The following STEAP1B variants were observed in gnomAD, a reference collection of about 807,000 sequenced individuals.
The protein encoded by STEAP1B is STEAP family protein MGC87042.
Under a neutral mutation model 27.9 loss-of-function variants are expected in STEAP1B, and 13 were observed. That is an observed-to-expected ratio of 0.47 (90% confidence interval 0.30 to 0.74). The LOEUF is 0.74. Ranked by LOEUF, STEAP1B falls within the 30% of genes least tolerant of loss-of-function variation. The pLI is 0.06. For missense variants in STEAP1B, 250 were observed against 298.7 expected (o/e 0.84, Z 1.20); for synonymous variants, 86 against 107.1 (o/e 0.80, Z 1.22).
chr7:22,466,584 T>A (rs1397956380), intron 4 of STEAP1B, among the ~76,000 whole-genome samples: 1 of 152,184 alleles, frequency 6.6e-6, no homozygotes, highest in African/African-American at 2.4e-5. Flanking sequence ...TCCAGAACTA[T>A]GAGAAAGTAA....
intron 4 of STEAP1B, among the ~76,000 whole-genome samples, chr7:22,473,293 C>T (rs1029329461): frequency 2.0e-5 from 3 of 152,166 alleles, no homozygotes; most frequent in Admixed American, 6.5e-5. Flanking sequence ...CATCCTCTAG[C>T]TCCTGTCTAT....
chr7:22,471,719 T>G (rs977671869), intron 4 of STEAP1B, among the ~76,000 whole-genome samples: 1 of 151,948 alleles, frequency 6.6e-6, no homozygotes, highest in African/African-American at 2.4e-5. Context: ...CTGGGCAATA[T>G]AGCAAGACAC....
intron 4 of STEAP1B, among the ~76,000 whole-genome samples, chr7:22,485,348 T>G (rs1786183884): frequency 6.6e-6 from 1 of 152,190 alleles, no homozygotes. Context: ...AAGCAAGACC[T>G]CCACCAGCAA....
At chr7:22,438,568 A>C (rs1389887620) in intron 4 of STEAP1B, 1 of 1,552,164 alleles carries the variant, frequency 6.4e-7, no homozygotes, top group Non-Finnish European at 8.7e-7. Context: ...GTGAGAGCTA[A>C]CATTTCCCTT....
chr7:22,496,668 A>G (rs1489129452), intron 1 of STEAP1B, among the ~76,000 whole-genome samples: 1 of 152,246 alleles, frequency 6.6e-6, no homozygotes, highest in East Asian at 1.9e-4. Flanking sequence ...TATACAGATT[A>G]GCAGCCTAGG....
At chr7:22,483,400 A>G (rs1583351316) in intron 4 of STEAP1B, among the ~76,000 whole-genome samples, 1 of 152,374 alleles carries the variant, frequency 6.6e-6, no homozygotes, top group South Asian at 2.1e-4. Context: ...GCCTATGGGC[A>G]TGACTCAAGG....
chr7:22,494,151 T>C (rs1289653050), intron 2 of STEAP1B, among the ~76,000 whole-genome samples: 1 of 145,810 alleles, frequency 6.9e-6, no homozygotes. Flanking sequence ...CCTATTAAAA[T>C]TATTAAGATT....
At chr7:22,483,142 T>C (rs373768756) in intron 4 of STEAP1B, among the ~76,000 whole-genome samples, 27 of 152,206 alleles carry the variant, frequency 1.8e-4, no homozygotes, top group African/African-American at 6.5e-4. Context: ...CACGTCACCT[T>C]CTTCCAAGCA....
chr7:22,467,662 A>C lies in STEAP1B; in HGVS notation c.762+24903T>G, dbSNP rs1395781024. Reference sequence around the variant, plus strand: ...ATAAGGGGAAACCCCTTTTGCTTGGATCTCACTCTTCTCTTGTCTGCTGCC... The same window carrying C: ...ATAAGGGGAAACCCCTTTTGCTTGGCTCTCACTCTTCTCTTGTCTGCTGCC... On this transcript the variant is annotated intron_variant, in intron 4 of 4. Coordinates refer to ENST00000678116, the MANE Select transcript of STEAP1B (RefSeq NM_001382447.1). Among the ~76,000 whole-genome samples the C allele has an allele frequency of 3.3e-5, 5 of 152,104 alleles. 1 individual carries two copies. Among genetic ancestry groups the C allele is most frequent in the South Asian group, 4.2e-4 (2 of 4,792 alleles).
intron 4 of STEAP1B, among the ~76,000 whole-genome samples, chr7:22,472,983 G>A (rs149529284): frequency 6.6e-6 from 1 of 152,288 alleles, no homozygotes; most frequent in African/African-American, 2.4e-5. Flanking sequence ...AGCACCCTCT[G>A]CATACTGTAG....
chr7:22,449,582 T>G (rs1785455376), intron 4 of STEAP1B, among the ~76,000 whole-genome samples: 1 of 152,258 alleles, frequency 6.6e-6, no homozygotes, highest in Admixed American at 6.5e-5. Context: ...TTGGCTATTG[T>G]GAACAGTGCT....
At chr7:22,486,381 T>A (rs1323891843) in intron 4 of STEAP1B, among the ~76,000 whole-genome samples, 1 of 152,148 alleles carries the variant, frequency 6.6e-6, no homozygotes, top group Non-Finnish European at 1.5e-5. Context: ...AGAGGCAGAA[T>A]ACAGTTTAAG....
intron 4 of STEAP1B, chr7:22,438,719 A>G: frequency 1.9e-6 from 3 of 1,551,670 alleles, no homozygotes; most frequent in Non-Finnish European, 2.6e-6. Context: ...GTGGCCTGAA[A>G]GTTGCACAAA....
chr7:22,471,364 C>CTCCGA (rs1239212583), intron 4 of STEAP1B, among the ~76,000 whole-genome samples: 2 of 152,278 alleles, frequency 1.3e-5, no homozygotes, highest in Non-Finnish European at 2.9e-5. Flanking sequence ...AGGAAAATGA[C>CTCCGA]TCCGATCCCT....
At chr7:22,430,640 A>G (rs1250012760) in intron 4 of STEAP1B, among the ~76,000 whole-genome samples, 3 of 152,246 alleles carry the variant, frequency 2.0e-5, no homozygotes, top group Middle Eastern at 3.2e-3. Flanking sequence ...CGTTAGAGTC[A>G]TGATGGCTAA....
intron 4 of STEAP1B, among the ~76,000 whole-genome samples, chr7:22,463,403 G>A: frequency 6.6e-6 from 1 of 152,084 alleles, no homozygotes; most frequent in Admixed American, 6.5e-5. Flanking sequence ...CAGATTCAAT[G>A]CCATCCCCAT....
chr7:22,488,927 A>C (rs1786268840), intron 4 of STEAP1B, among the ~76,000 whole-genome samples: 1 of 152,220 alleles, frequency 6.6e-6, no homozygotes, highest in Non-Finnish European at 1.5e-5. Flanking sequence ...CACGTAGATC[A>C]AATTGTTGAA....
chr7:22,448,790 T>C (rs1583636465), intron 4 of STEAP1B, among the ~76,000 whole-genome samples: 1 of 152,152 alleles, frequency 6.6e-6, no homozygotes, highest in Non-Finnish European at 1.5e-5. Context: ...GTCTGGGATA[T>C]GGAAATTAAT....
intron 4 of STEAP1B, among the ~76,000 whole-genome samples, chr7:22,463,769 C>T (rs1785721210): frequency 6.6e-6 from 1 of 151,904 alleles, no homozygotes; most frequent in Non-Finnish European, 1.5e-5. Flanking sequence ...AAAGCTGAAA[C>T]TGGATCCCTT....
Sources: gnomAD v4.1 joint callset for allele counts (sites outside exome capture counted in the v4.1 genomes callset) on GRCh38, gnomAD v4.1.1 for gene constraint, MANE v1.5 for transcripts, NCBI Gene and HGNC (gene_info 2026-07-23, HGNC 2026-07-21) for gene names.